The following PID1 variants were observed in gnomAD, a reference collection of about 807,000 sequenced individuals.
PID1 encodes the protein PTB-containing, cubilin and LRP1-interacting protein.
Under a neutral mutation model 19.1 loss-of-function variants are expected in PID1, and 10 were observed. The ratio of observed to expected loss-of-function variants is 0.52; its 90% CI spans 0.32 to 0.89. The LOEUF (loss-of-function observed/expected upper bound fraction) is 0.89, where lower values mean the gene tolerates loss of function less well. Among genes scored for constraint, PID1 ranks in the 40% least tolerant of loss-of-function variants. The pLI is 0.03. For synonymous variants in PID1, 130 were observed against 116.0 expected, an observed-to-expected ratio of 1.12 and a Z score of -0.78; for missense variants, 248 against 285.3, an observed-to-expected ratio of 0.87 and a Z score of 0.94.
chr2:229,051,518 A>T (rs10048695), intron 2 of PID1, among the ~76,000 whole-genome samples: 14 of 151,612 alleles, frequency 9.2e-5, no homozygotes, highest in African/African-American at 3.4e-4. Flanking sequence ...TTGTATTTTT[A>T]GTAGAGACAG....
chr2:229,186,914 C>A (rs767764488), intron 1 of PID1, among the ~76,000 whole-genome samples: 2 of 152,198 alleles, frequency 1.3e-5, no homozygotes, highest in Non-Finnish European at 2.9e-5. Flanking sequence ...CCCAAGTCAA[C>A]TCTTGAATGC....
At chr2:229,215,401 G>A (rs1363629037) in intron 1 of PID1, among the ~76,000 whole-genome samples, 2 of 152,188 alleles carry the variant, frequency 1.3e-5, no homozygotes, top group Admixed American at 1.3e-4. Context: ...TTAGTCAAAT[G>A]TCTTGCAATA....
intron 2 of PID1, among the ~76,000 whole-genome samples, chr2:229,140,170 A>G (rs958644496): frequency 1.3e-5 from 2 of 152,184 alleles, no homozygotes; most frequent in Admixed American, 1.3e-4. Context: ...ATTTCTATTT[A>G]TAGTTATTTT....
chr2:229,041,956 G>T (rs1422494067), intron 2 of PID1, among the ~76,000 whole-genome samples: 1 of 152,132 alleles, frequency 6.6e-6, no homozygotes, highest in Non-Finnish European at 1.5e-5. Context: ...TTTACTTTTA[G>T]TTTGATATAA....
At chr2:229,053,211 TC>T (rs1189742922) in intron 2 of PID1, among the ~76,000 whole-genome samples, 1 of 152,160 alleles carries the variant, frequency 6.6e-6, no homozygotes, top group East Asian at 1.9e-4. Flanking sequence ...TCTTTTTTTT[TC>T]TTGACTGGAC....
intron 2 of PID1, among the ~76,000 whole-genome samples, chr2:229,037,304 T>C (rs1447892394): frequency 6.6e-6 from 1 of 152,168 alleles, no homozygotes; most frequent in Non-Finnish European, 1.5e-5. Flanking sequence ...CAAGACCCAA[T>C]ATCAAGGAAT....
chr2:229,155,300 CTCACATCTG>C (rs1200053873), intron 2 of PID1, among the ~76,000 whole-genome samples: 1 of 152,120 alleles, frequency 6.6e-6, no homozygotes, highest in African/African-American at 2.4e-5. Context: ...GGCTTGGTGG[CTCACATCTG>C]TAATCCCAGC....
chr2:229,161,024 C>T (rs1690482316), intron 1 of PID1, among the ~76,000 whole-genome samples: 1 of 152,122 alleles, frequency 6.6e-6, no homozygotes, highest in African/African-American at 2.4e-5. Context: ...AGTCACAGTT[C>T]CTTGCCCCCA....
intron 2 of PID1, among the ~76,000 whole-genome samples, chr2:229,115,449 G>GA (rs932283532): frequency 6.9e-6 from 1 of 145,192 alleles, no homozygotes; most frequent in Non-Finnish European, 1.5e-5. Context: ...AAAGGAAAAA[G>GA]AAAAAATGAA....
intron 2 of PID1, among the ~76,000 whole-genome samples, chr2:229,147,396 T>C (rs1366436715): frequency 6.6e-6 from 1 of 151,974 alleles, no homozygotes; most frequent in Non-Finnish European, 1.5e-5. Flanking sequence ...ATAATGCAAA[T>C]AAGCAAAAAA....
At chr2:229,171,109 G>C (rs879327587) in intron 1 of PID1, among the ~76,000 whole-genome samples, 2 of 152,272 alleles carry the variant, frequency 1.3e-5, no homozygotes, top group Non-Finnish European at 1.5e-5. Context: ...CCCGCTCATC[G>C]GAACATAGCA....
intron 1 of PID1, among the ~76,000 whole-genome samples, chr2:229,234,678 C>T (rs1442432589): frequency 6.6e-6 from 1 of 152,102 alleles, no homozygotes; most frequent in Non-Finnish European, 1.5e-5. Context: ...TCTCAAATTT[C>T]AGGTATTAGG....
intron 2 of PID1, among the ~76,000 whole-genome samples, chr2:229,056,731 T>C (rs570070112): frequency 7.2e-4 from 110 of 152,154 alleles, no homozygotes; most frequent in Non-Finnish European, 1.3e-3. Flanking sequence ...ACACATTTCT[T>C]GCGAAAATCA....
intron 1 of PID1, among the ~76,000 whole-genome samples, chr2:229,167,001 G>A (rs1258958740): frequency 1.3e-5 from 2 of 150,458 alleles, no homozygotes; most frequent in Admixed American, 6.6e-5. Flanking sequence ...AAGTGGAAGG[G>A]GAAGGAAAGG....
chr2:229,070,683 G>A (rs1475734813), intron 2 of PID1, among the ~76,000 whole-genome samples: 1 of 152,142 alleles, frequency 6.6e-6, no homozygotes, highest in Non-Finnish European at 1.5e-5. Flanking sequence ...CCTTCTGGGG[G>A]AGCAGGAGAG....
intron 2 of PID1, among the ~76,000 whole-genome samples, chr2:229,098,775 A>G (rs1216437031): frequency 6.6e-6 from 1 of 152,082 alleles, no homozygotes; most frequent in Non-Finnish European, 1.5e-5. Context: ...CCCGCTAGCT[A>G]TTTGCACCAC....
At chr2:229,075,743 C>T (rs1011166349) in intron 2 of PID1, among the ~76,000 whole-genome samples, 2 of 152,204 alleles carry the variant, frequency 1.3e-5, no homozygotes, top group African/African-American at 4.8e-5. Context: ...GGGTCCCCAA[C>T]TCTCACTAAA....
intron 2 of PID1, among the ~76,000 whole-genome samples, chr2:229,132,841 AT>A (rs996404117): frequency 1.3e-5 from 2 of 152,138 alleles, no homozygotes; most frequent in South Asian, 2.1e-4. Context: ...CACTGTAGAG[AT>A]TTTTTTTAAA....
At chr2:229,228,021 A>T (rs1403299034) in intron 1 of PID1, 2 of 455,904 alleles carry the variant, frequency 4.4e-6, no homozygotes, top group Non-Finnish European at 8.8e-6. Flanking sequence ...CCCCAGGGAT[A>T]CTGAGGGACA....
Sources: allele counts gnomAD v4.1 joint callset (sites outside exome capture counted in the v4.1 genomes callset), GRCh38; gene constraint gnomAD v4.1.1; transcripts MANE v1.5; gene names NCBI Gene and HGNC (gene_info 2026-07-23, HGNC 2026-07-21).